The following COL22A1 variants were observed in gnomAD, a reference collection of about 807,000 sequenced individuals.
COL22A1 encodes the protein collagen alpha-1(XXII) chain.
COL22A1 carries 221 observed loss-of-function variants against 248.9 expected under a neutral mutation model. The observed-to-expected ratio is 0.89, with a 90% CI of 0.80 to 0.99. The LOEUF is 0.99. COL22A1 is among the 50% of genes least tolerant of loss of function. COL22A1 has a pLI of 0.00. For missense variants in COL22A1, 2,240 were observed against 2,179.0 expected, an observed-to-expected ratio of 1.03 and a Z score of -0.56; for synonymous variants, 891 against 793.4, an observed-to-expected ratio of 1.12 and a Z score of -2.07.
intron 51 of COL22A1, 29 bp from the exon 52 acceptor site, chr8:138,623,814 G>C: frequency 6.3e-7 from 1 of 1,597,786 alleles, no homozygotes; most frequent in East Asian, 2.3e-5. Flanking sequence ...TTGGTTATCA[G>C]GTCAAAGAAG....
intron 47 of COL22A1, among the ~76,000 whole-genome samples, chr8:138,645,565 A>G (rs1822131250): frequency 6.6e-6 from 1 of 152,244 alleles, no homozygotes; most frequent in African/African-American, 2.4e-5. Flanking sequence ...CAGTTGATAC[A>G]ATATACCAGG....
At chr8:138,683,136 C>T (rs530366358) in intron 39 of COL22A1, among the ~76,000 whole-genome samples, 58 of 152,296 alleles carry the variant, frequency 3.8e-4, no homozygotes, top group Middle Eastern at 3.4e-3. Context: ...ATCTGCTTTT[C>T]GTCTGTTGAC....
chr8:138,798,997 C>T (rs530406561), intron 11 of COL22A1, among the ~76,000 whole-genome samples: 54 of 152,268 alleles, frequency 3.5e-4, no homozygotes, highest in African/African-American at 1.3e-3. Flanking sequence ...TGAACCCCTA[C>T]ATTTCTCCAA....
intron 7 of COL22A1, among the ~76,000 whole-genome samples, chr8:138,817,314 T>C (rs1279434247): frequency 2.6e-5 from 4 of 152,172 alleles, no homozygotes; most frequent in African/African-American, 9.7e-5. Context: ...CAAGAATATG[T>C]GACTCAGAGT....
intron 22 of COL22A1, among the ~76,000 whole-genome samples, chr8:138,741,917 ATGGTGATGGTGATGATGG>A (rs1257605909): frequency 6.6e-6 from 1 of 151,916 alleles, no homozygotes; most frequent in Non-Finnish European, 1.5e-5. Flanking sequence ...GATGGAGTTG[ATGGTGATGGTGATGATGG>A]TGGTGATGGT....
rs1210893036 is a variant in COL22A1, at chr8:138,599,258, C to T, written c.4186-360G>A. 3.3e-5 allele frequency among the ~76,000 whole-genome samples: 5 copies of T among 151,760 alleles called. No homozygotes were observed. In the East Asian group the frequency reaches 5.8e-4, roughly 18 times the overall value. On this transcript the variant is annotated intron_variant, in intron 60 of 64. Transcript: ENST00000303045. ...CTGGGAGGCCGAGGCAGGCAGATCA[C>T]GAGGTCAGGAGATCGAGACCATCCT... is the stretch of plus-strand genomic sequence containing the variant.
intron 53 of COL22A1, among the ~76,000 whole-genome samples, chr8:138,618,261 T>A (rs1819494399): frequency 6.6e-6 from 1 of 152,218 alleles, no homozygotes; most frequent in African/African-American, 2.4e-5. Flanking sequence ...AAAGGCTGAA[T>A]CCAGGTCTTT....
chr8:138,669,472 C>T (rs1824821152), intron 41 of COL22A1, among the ~76,000 whole-genome samples: 3 of 152,204 alleles, frequency 2.0e-5, no homozygotes, highest in Non-Finnish European at 1.5e-5. Flanking sequence ...AGCCCAGCTC[C>T]TCCCACCATG....
In COL22A1 at chr8:138,598,706, T is replaced by A. The variant is rs1817749604; in HGVS notation, c.4365+13A>T. ...GAGGAGCCCCGAGTCCAAAGCCATA[T>A]TAGCATCCTTACCCTCAGTCCTGGA... On this transcript the variant is annotated intron_variant, in intron 61 of 64. Coordinates refer to ENST00000303045, the MANE Select transcript of COL22A1 (RefSeq NM_152888.3). 2 of 1,608,822 alleles carry A rather than the reference T, an allele frequency of 1.2e-6. No homozygotes were observed. The highest frequency in any genetic ancestry group is 1.7e-6 in the Non-Finnish European group (2 of 1,178,072).
At chr8:138,771,148 G>A (rs1259206975) in intron 16 of COL22A1, among the ~76,000 whole-genome samples, 1 of 152,220 alleles carries the variant, frequency 6.6e-6, no homozygotes, top group Non-Finnish European at 1.5e-5. Flanking sequence ...GTCACCTGGT[G>A]CAGGCTGCAG....
intron 22 of COL22A1, among the ~76,000 whole-genome samples, chr8:138,746,384 A>T (rs181928422): frequency 1.2e-4 from 19 of 152,294 alleles, no homozygotes; most frequent in Admixed American, 5.9e-4. Flanking sequence ...GGAAGGAGAG[A>T]GATAATTTTT....
At chr8:138,863,949 A>G (rs11166853) in intron 3 of COL22A1, among the ~76,000 whole-genome samples, 141,281 of 152,052 alleles carry the variant, frequency 0.93, 65,666 homozygotes, top group East Asian at 0.98. Context: ...CATACCTATC[A>G]GATTTCACAA....
chr8:138,598,471 T>C (rs1399508381), intron 61 of COL22A1, among the ~76,000 whole-genome samples: 1 of 152,220 alleles, frequency 6.6e-6, no homozygotes, highest in African/African-American at 2.4e-5. Context: ...AGGGACTATT[T>C]TTGAGCATTT....
chr8:138,844,806 CG>C (rs1489389539), intron 3 of COL22A1, among the ~76,000 whole-genome samples: 1 of 151,882 alleles, frequency 6.6e-6, no homozygotes, highest in Admixed American at 6.6e-5. Flanking sequence ...AAAAATTAGC[CG>C]GGCGTGGTGG....
At chr8:138,691,575 G>A (rs796570315) in intron 35 of COL22A1, among the ~76,000 whole-genome samples, 46 of 1,134 alleles carry the variant, frequency 0.041, no homozygotes, top group East Asian at 0.087. Context: ...AGGTGTATGT[G>A]TGCGTGTGCA....
chr8:138,708,630 A>G (rs1828688778), intron 30 of COL22A1, among the ~76,000 whole-genome samples: 1 of 152,250 alleles, frequency 6.6e-6, no homozygotes, highest in African/African-American at 2.4e-5. Flanking sequence ...TTATACAAAA[A>G]TTAATTCAAG....
At chr8:138,716,088 C>T (rs1829411444) in intron 29 of COL22A1, 139 bp downstream of exon 29, 2 of 688,586 alleles carry the variant, frequency 2.9e-6, no homozygotes, top group Non-Finnish European at 4.9e-6. Context: ...TTCCCCGTCC[C>T]TTCCATCAAC....
Position 138,596,929 on chromosome 8 carries a change from T to C in COL22A1, c.4407A>G (p.Gln1469=), listed in dbSNP as rs766703588. The change falls in exon 62 of 65, where the codon CAA becomes CAG. Residue 1469 remains glutamine, a synonymous_variant. Coordinates refer to ENST00000303045, the MANE Select transcript of COL22A1 (RefSeq NM_152888.3). Reference sequence around the variant, plus strand: ...TTTCAAGCTGCTTCCCCAGCTCTTCTTGAATAAGCCGACGCAGGGTTTCCA... The same window carrying C: ...TTTCAAGCTGCTTCCCCAGCTCTTCCTGAATAAGCCGACGCAGGGTTTCCA... The part of the protein sequence containing the change: ...PSMETLRRLI[Q]EELGKQLETR... The C allele has an allele frequency of 1.9e-6, 3 of 1,613,976 alleles. No homozygotes were observed. The South Asian group carries it at 3.3e-5, about 18-fold the overall frequency.
intron 3 of COL22A1, among the ~76,000 whole-genome samples, chr8:138,871,647 A>C (rs2132013635): frequency 6.6e-6 from 1 of 152,350 alleles, no homozygotes. Flanking sequence ...CTCATGCTTC[A>C]GAACAGTACC....
Sources: allele counts gnomAD v4.1 joint callset (sites outside exome capture counted in the v4.1 genomes callset), GRCh38; gene constraint gnomAD v4.1.1; transcripts MANE v1.5; gene names NCBI Gene and HGNC (gene_info 2026-07-23, HGNC 2026-07-21).